FBN2: variants seen among roughly 807,000 people sequenced by gnomAD.
FBN2 encodes the protein fibrillin 2.
FBN2 carries 105 observed loss-of-function variants against 355.6 expected under a neutral mutation model. That is an observed-to-expected ratio of 0.30 (90% CI 0.25 to 0.35). The LOEUF (loss-of-function observed/expected upper bound fraction) is 0.35, where lower values mean the gene tolerates loss of function less well. Ranked by LOEUF, FBN2 falls within the 10% of genes least tolerant of loss-of-function variation. FBN2 has a pLI of 1.00. For missense variants in FBN2, 3,280 were observed against 3,758.7 expected, an observed-to-expected ratio of 0.87 and a Z score of 3.33; for synonymous variants, 1,350 against 1,301.2, an observed-to-expected ratio of 1.04 and a Z score of -0.81.
intron 34 of FBN2, among the ~76,000 whole-genome samples, chr5:128,324,766 C>T (rs977823699): frequency 5.3e-5 from 8 of 151,952 alleles, no homozygotes; most frequent in Admixed American, 1.3e-4. Flanking sequence ...TACAGGTGCC[C>T]GGCATCATGC....
chr5:128,302,570 A>C (rs958537433), intron 46 of FBN2, among the ~76,000 whole-genome samples: 1 of 152,246 alleles, frequency 6.6e-6, no homozygotes, highest in Non-Finnish European at 1.5e-5. Context: ...TGTAAGCAGG[A>C]GGCTACTGGT....
chr5:128,314,202 A>T (rs1019979485), intron 36 of FBN2, among the ~76,000 whole-genome samples: 3 of 152,288 alleles, frequency 2.0e-5, no homozygotes, highest in Non-Finnish European at 4.4e-5. Flanking sequence ...TGGGCTTTTT[A>T]AAAAAACTTA....
intron 34 of FBN2, among the ~76,000 whole-genome samples, chr5:128,327,210 C>T (rs534378926): frequency 3.9e-5 from 6 of 152,306 alleles, no homozygotes; most frequent in South Asian, 2.1e-4. Flanking sequence ...TGTGGGTCAA[C>T]GTAGAAGCAC....
At chr5:128,332,768 C>A in intron 32 of FBN2, 144 bp downstream of exon 32, 1 of 839,734 alleles carries the variant, frequency 1.2e-6, no homozygotes, top group Non-Finnish European at 2.0e-6. Context: ...TAAAGGACAC[C>A]CTTAGGCAGG....
At chr5:128,333,146 G>C (rs1011835126) in intron 31 of FBN2, 112 bp from the exon 32 acceptor site, 2 of 923,268 alleles carry the variant, frequency 2.2e-6, no homozygotes, top group Non-Finnish European at 1.7e-6. Flanking sequence ...ACCGTATGGA[G>C]AAAAGAGTAG....
intron 5 of FBN2, among the ~76,000 whole-genome samples, chr5:128,509,323 T>G (rs548377997): frequency 6.6e-6 from 1 of 152,144 alleles, no homozygotes; most frequent in Non-Finnish European, 1.5e-5. Context: ...TGTTGCTATG[T>G]TTTCAGGCTC....
intron 7 of FBN2, among the ~76,000 whole-genome samples, chr5:128,426,827 T>C (rs1753495188): frequency 6.6e-6 from 1 of 152,168 alleles, no homozygotes; most frequent in African/African-American, 2.4e-5. Flanking sequence ...AACGAAGATC[T>C]TTCTTGATTA....
At chr5:128,442,295 A>T (rs1394580462) in intron 7 of FBN2, 2 of 456,310 alleles carry the variant, frequency 4.4e-6, no homozygotes, top group Non-Finnish European at 8.8e-6. Context: ...TAGCTCAAGG[A>T]ATGTTAACGA....
chr5:128,261,737 G>A lies in FBN2; in HGVS notation c.8363C>T (p.Ala2788Val), dbSNP rs367769490. 2 of 1,613,954 alleles carry A rather than the reference G, an allele frequency of 1.2e-6. No individual in the cohort carries two copies. The highest frequency in any genetic ancestry group is 1.7e-6 in the Non-Finnish European group (2 of 1,179,922). ...KRSIHEPDPT[A>V]VEQISLESVD... ...CAACACAGAGTGGGATATACTCACA[G>A]CAGTGGGATCAGGTTCATGAATACT... The change falls in exon 64 of 65, where the codon GCT becomes GTT. Residue 2788 changes from alanine to valine, a missense_variant and splice_region_variant. Physicochemically the swap from Ala to Val is moderately conservative, Grantham distance 64. Coordinates refer to ENST00000262464, the MANE Select transcript of FBN2 (RefSeq NM_001999.4).
intron 5 of FBN2, among the ~76,000 whole-genome samples, chr5:128,511,696 G>C (rs543855220): frequency 6.6e-6 from 1 of 152,280 alleles, no homozygotes; most frequent in Admixed American, 6.5e-5. Context: ...GCAGGTAAAA[G>C]GACAGGACAG....
At chr5:128,358,184 T>TGAA (rs1751552039) in intron 19 of FBN2, among the ~76,000 whole-genome samples, 1 of 152,120 alleles carries the variant, frequency 6.6e-6, no homozygotes, top group East Asian at 1.9e-4. Context: ...TGAAATAGTT[T>TGAA]AACACATGAG....
chr5:128,317,642 G>C (rs557942667), intron 36 of FBN2, among the ~76,000 whole-genome samples: 2 of 152,180 alleles, frequency 1.3e-5, no homozygotes, highest in South Asian at 2.1e-4. Flanking sequence ...GTTTTTTTAA[G>C]ATCAGAGGTG....
intron 62 of FBN2, among the ~76,000 whole-genome samples, chr5:128,266,632 C>T (rs1223364645): frequency 1.3e-5 from 2 of 152,096 alleles, no homozygotes; most frequent in Admixed American, 1.3e-4. Flanking sequence ...GAAACTGAAA[C>T]ACTTTGAAAT....
chr5:128,261,414 TTAAAAA>T (rs1237985022), intron 64 of FBN2, among the ~76,000 whole-genome samples: 3 of 152,212 alleles, frequency 2.0e-5, no homozygotes, highest in Non-Finnish European at 4.4e-5. Flanking sequence ...ACTGAACAAA[TTAAAAA>T]TAATTTCATT....
intron 7 of FBN2, among the ~76,000 whole-genome samples, chr5:128,434,676 T>C (rs752192352): frequency 1.4e-4 from 22 of 151,792 alleles, no homozygotes; most frequent in Non-Finnish European, 2.2e-4. Context: ...AAGATACATA[T>C]GAATATTATA....
Position 128,509,873 on chromosome 5 carries a change from G to T in FBN2, c.628+9400C>A, listed in dbSNP as rs900413113. On this transcript the variant is annotated intron_variant, in intron 5 of 64. Coordinates refer to ENST00000262464, the MANE Select transcript of FBN2 (RefSeq NM_001999.4). ...ACCAATTATGTGACCCTCTAATCTG[G>T]TTAGAGAGGAAGGCAGTATTTCCAG... is the stretch of plus-strand genomic sequence containing the variant. Among the ~76,000 whole-genome samples, 6 of 150,344 alleles carry T rather than the reference G, an allele frequency of 4.0e-5. No individual in the cohort carries two copies. The South Asian group carries it at 8.4e-4, about 21-fold the overall frequency.
Position 128,309,335 on chromosome 5 carries a change from G to A in FBN2, c.5265C>T (p.Phe1755=), listed in dbSNP as rs771203255. The change falls in exon 41 of 65, where the codon TTC becomes TTT. Residue 1755 remains phenylalanine, a synonymous_variant. Coordinates refer to ENST00000262464, the MANE Select transcript of FBN2 (RefSeq NM_001999.4). The stretch of plus-strand genomic sequence containing the variant: ...AGCAGCACATCCTTTTTGTCACATT[G>A]AAAGGCAACTCATTCTCACAAGTGG... ...NGTTCENELP[F]NVTKRMCCCT... 6 of 1,613,914 alleles carry A rather than the reference G, an allele frequency of 3.7e-6. No individual in the cohort carries two copies. The South Asian group carries it at 6.6e-5, about 18-fold the overall frequency.
intron 5 of FBN2, among the ~76,000 whole-genome samples, chr5:128,503,314 G>A (rs951773007): frequency 2.6e-5 from 4 of 152,190 alleles, no homozygotes; most frequent in Non-Finnish European, 2.9e-5. Flanking sequence ...TTAGTGGCAT[G>A]AGAACAGACT....
At chr5:128,312,094 C>A in intron 37 of FBN2, 141 bp from the exon 38 acceptor site, 1 of 662,566 alleles carries the variant, frequency 1.5e-6, no homozygotes, top group Non-Finnish European at 2.7e-6. Context: ...CTTTCAAATA[C>A]ATTTAAAGTT....
Sources: allele counts gnomAD v4.1 joint callset (sites outside exome capture counted in the v4.1 genomes callset), GRCh38; gene constraint gnomAD v4.1.1; transcripts MANE v1.5; gene names NCBI Gene and HGNC (gene_info 2026-07-23, HGNC 2026-07-21).